MRPS31: variants seen among roughly 807,000 people sequenced by gnomAD.
MRPS31 encodes the protein small ribosomal subunit protein mS31.
In MRPS31, 32 loss-of-function variants were observed where a neutral mutation model predicts 43.1. That is an observed-to-expected ratio of 0.74 (90% CI 0.56 to 1.00). The LOEUF (loss-of-function observed/expected upper bound fraction) is 1.00. MRPS31 is among the 50% of genes least tolerant of loss of function. The pLI is 0.00. For synonymous variants in MRPS31, 165 were observed against 161.6 expected (o/e 1.02, Z -0.16); for missense variants, 437 against 466.7 (o/e 0.94, Z 0.59).
At chr13:40,735,241 C>G (rs896105800) in intron 6 of MRPS31, among the ~76,000 whole-genome samples, 1 of 152,198 alleles carries the variant, frequency 6.6e-6, no homozygotes, top group Non-Finnish European at 1.5e-5. Flanking sequence ...TAAAAAACGG[C>G]GCACCAGATT....
chr13:40,771,045 A>G lies in MRPS31; in HGVS notation c.92T>C (p.Ile31Thr). Reference sequence around the variant, plus strand: ...TCCGTGCCGAACAGTGAGTAGCATAATCGCAGCCGCTGATGTCTCCGGGCT... The same window carrying G: ...TCCGTGCCGAACAGTGAGTAGCATAGTCGCAGCCGCTGATGTCTCCGGGCT... ...SGSPETSAAA[I>T]MLLTVRHGTV... The change falls in exon 1 of 7, where the codon ATT becomes ACT. Residue 31 changes from isoleucine (I) to threonine (T), a missense_variant. Transcript: ENST00000323563. 6.2e-7 allele frequency: 1 copy of G among 1,614,134 alleles called. No individual in the cohort carries two copies. The highest frequency in any genetic ancestry group is 8.5e-7 in the Non-Finnish European group (1 of 1,180,018).
chr13:40,758,232 T>G (rs1226380786), intron 3 of MRPS31, among the ~76,000 whole-genome samples: 1 of 152,162 alleles, frequency 6.6e-6, no homozygotes, highest in Non-Finnish European at 1.5e-5. Context: ...CTACTTTTTT[T>G]ATGTTTTGTA....
chr13:40,736,621 A>G (rs1879917267), intron 6 of MRPS31, among the ~76,000 whole-genome samples: 1 of 151,126 alleles, frequency 6.6e-6, no homozygotes, highest in South Asian at 2.1e-4. Context: ...AGTGGGGACC[A>G]ATATTGAACA....
rs569259822 is a variant in MRPS31 at position 40,760,249 on chromosome 13, GCTA to G, written c.441-1146_441-1144del. On this transcript the variant is annotated intron_variant, in intron 2 of 6. Coordinates refer to ENST00000323563, the MANE Select transcript of MRPS31 (RefSeq NM_005830.4). The stretch of plus-strand genomic sequence containing the variant: ...AACAGCAATTGCCTCAGGACTGATG[GCTA>G]CTGACTGGGAAGGTAAAAATGAAAA... Among the ~76,000 whole-genome samples the G allele has an allele frequency of 2.0e-3, 299 of 152,114 alleles. 1 individual carries two copies. The highest frequency in any genetic ancestry group is 6.7e-3 in the African/African-American group (280 of 41,486).
At chr13:40,734,054 G>C (rs1879795503) in intron 6 of MRPS31, among the ~76,000 whole-genome samples, 1 of 151,594 alleles carries the variant, frequency 6.6e-6, no homozygotes, top group African/African-American at 2.4e-5. Flanking sequence ...GCTTGAACCT[G>C]AGAGGTGGAG....
chr13:40,736,394 A>C (rs1879908957), intron 6 of MRPS31, among the ~76,000 whole-genome samples: 1 of 150,702 alleles, frequency 6.6e-6, no homozygotes, highest in Non-Finnish European at 1.5e-5. Flanking sequence ...CAATCTAGCA[A>C]GGCAGGCCAA....
rs1352579289 is a variant in MRPS31 at position 40,771,143 on chromosome 13, G to C, written c.-7C>G. ...TCGAGACTCTAGGAAACATCGCCGA[G>C]ACACGAAATGAACCAAGAACACAAC... On this transcript the variant is annotated 5_prime_UTR_variant, in exon 1 of 7. Transcript: ENST00000323563. 3 of 1,595,120 alleles carry C rather than the reference G, an allele frequency of 1.9e-6. No homozygotes were observed. Among genetic ancestry groups the C allele is most frequent in the South Asian group, 1.1e-5 (1 of 89,356 alleles).
chr13:40,734,549 T>A (rs564321023), intron 6 of MRPS31, among the ~76,000 whole-genome samples: 1 of 152,238 alleles, frequency 6.6e-6, no homozygotes, highest in Non-Finnish European at 1.5e-5. Flanking sequence ...AATAAAGCAA[T>A]TGTTAACTTT....
intron 2 of MRPS31, among the ~76,000 whole-genome samples, chr13:40,761,159 T>A (rs1219782380): frequency 6.6e-6 from 1 of 151,224 alleles, no homozygotes; most frequent in East Asian, 1.9e-4. Flanking sequence ...TCCCAGCTAC[T>A]GGTGAGGCTG....
intron 2 of MRPS31, among the ~76,000 whole-genome samples, chr13:40,759,526 G>A (rs1239833839): frequency 6.6e-6 from 1 of 152,152 alleles, no homozygotes; most frequent in African/African-American, 2.4e-5. Context: ...AAAGTGAAAT[G>A]ATTTTTGGAG....
In MRPS31 at chr13:40,730,582, T is replaced by TA. The variant is rs772520171; in HGVS notation, c.959-982dup. Among the ~76,000 whole-genome samples, 11 of 152,266 alleles carry TA rather than the reference T, an allele frequency of 7.2e-5. 1 individual carries two copies. Among genetic ancestry groups the TA allele is most frequent in the Admixed American group, 7.2e-4 (11 of 15,298 alleles). On this transcript the variant is annotated intron_variant, in intron 6 of 6. Transcript: ENST00000323563. ...CAATGATTATTTTTTTCTTTTGAGA[T>TA]AGAGTTTCACTCTTGTCGCCCAGGC...
At chr13:40,740,011 A>C (rs1254164142) in intron 6 of MRPS31, among the ~76,000 whole-genome samples, 3 of 148,988 alleles carry the variant, frequency 2.0e-5, no homozygotes, top group South Asian at 2.1e-4. Context: ...CAACCTACAA[A>C]ATGGGAGAAA....
At chr13:40,769,756 A>C (rs999629663) in intron 1 of MRPS31, among the ~76,000 whole-genome samples, 1 of 152,036 alleles carries the variant, frequency 6.6e-6, no homozygotes. Context: ...CTTTACTACA[A>C]TGTTTTCTTT....
At chr13:40,735,281 C>T (rs1354259298) in intron 6 of MRPS31, among the ~76,000 whole-genome samples, 1 of 152,220 alleles carries the variant, frequency 6.6e-6, no homozygotes, top group Non-Finnish European at 1.5e-5. Context: ...GAGGGTCCTA[C>T]GCCCACGGAG....
Position 40,757,004 on chromosome 13 carries a change from G to A in MRPS31, c.609C>T (p.Asn203=). 6.2e-7 allele frequency: 1 copy of A among 1,606,676 alleles called. No individual in the cohort carries two copies. The highest frequency in any genetic ancestry group is 2.2e-5 in the East Asian group (1 of 44,778). The change falls in exon 4 of 7, where the codon AAC becomes AAT. Residue 203 remains asparagine, a synonymous_variant. Coordinates refer to ENST00000323563, the MANE Select transcript of MRPS31 (RefSeq NM_005830.4). ...TGGCAACTTTCATATCTGATATTAT[G>A]TTACTGAAACTGAAATAATAAAAAG... is the stretch of plus-strand genomic sequence containing the variant. ...DAKRPKISFS[N]IISDMKVARS...
Position 40,770,974 on chromosome 13 carries a change from T to C in MRPS31, c.152+11A>G, listed in dbSNP as rs768748884. 1.9e-6 allele frequency: 3 copies of C among 1,613,858 alleles called. No homozygotes were observed. Among genetic ancestry groups the C allele is most frequent in the Non-Finnish European group, 2.5e-6 (3 of 1,179,956 alleles). On this transcript the variant is annotated intron_variant, in intron 1 of 6. Transcript: ENST00000323563. ...GTACAGGACGGGGCACGGGGTTGCC[T>C]GAGGACCTACCGGGCCAACAGCGCT...
intron 6 of MRPS31, among the ~76,000 whole-genome samples, chr13:40,743,785 A>C (rs1880166115): frequency 6.6e-6 from 1 of 152,242 alleles, no homozygotes; most frequent in Admixed American, 6.5e-5. Context: ...TGTGGAAAGC[A>C]GTCTGGAGAT....
At chr13:40,733,096 T>C (rs1879755037) in intron 6 of MRPS31, among the ~76,000 whole-genome samples, 1 of 143,666 alleles carries the variant, frequency 7.0e-6, no homozygotes, top group Admixed American at 7.3e-5. Flanking sequence ...CTCTGCCTCC[T>C]GGGTTCGAGC....
intron 2 of MRPS31, among the ~76,000 whole-genome samples, chr13:40,765,986 G>C (rs1359090201): frequency 6.6e-6 from 1 of 152,154 alleles, no homozygotes; most frequent in Admixed American, 6.5e-5. Flanking sequence ...TATTGATCAA[G>C]GGAAGTCATA....
Sources: allele counts gnomAD v4.1 joint callset (sites outside exome capture counted in the v4.1 genomes callset), GRCh38; gene constraint gnomAD v4.1.1; transcripts MANE v1.5; gene names NCBI Gene and HGNC (gene_info 2026-07-23, HGNC 2026-07-21).